The following LRIF1 variants were observed in gnomAD, a reference collection of about 807,000 sequenced individuals.
LRIF1 encodes ligand-dependent nuclear receptor-interacting factor 1.
A neutral mutation model predicts 52.7 loss-of-function variants in LRIF1; 32 were observed. That is an observed-to-expected ratio of 0.61 (90% CI 0.46 to 0.82). The LOEUF is 0.82. Among genes scored for constraint, LRIF1 ranks in the 40% least tolerant of loss-of-function variants. The probability of loss-of-function intolerance (pLI) is 0.00; values close to 1 mark genes in which losing one functional copy is unlikely to be tolerated. For synonymous variants in LRIF1, 323 were observed against 317.4 expected, an observed-to-expected ratio of 1.02 and a Z score of -0.19; for missense variants, 887 against 892.0, an observed-to-expected ratio of 0.99 and a Z score of 0.07.
chr1:110,890,851 C>G, the LRIF1 span, among the ~76,000 whole-genome samples: 3 of 152,210 alleles, frequency 2.0e-5, no homozygotes, highest in African/African-American at 7.2e-5. Context: ...ACATCTAGAA[C>G]AGAAAACATA....
chr1:110,908,212 A>G, the LRIF1 span, among the ~76,000 whole-genome samples: 55 of 152,322 alleles, frequency 3.6e-4, no homozygotes, highest in Non-Finnish European at 7.2e-4. Flanking sequence ...AGCTTTGGGG[A>G]GTCTGGGCAT....
At chr1:110,902,513 A>G in the LRIF1 span, among the ~76,000 whole-genome samples, 329 of 149,162 alleles carry the variant, frequency 2.2e-3, 1 homozygote, top group African/African-American at 7.7e-3. Flanking sequence ...AAAAAAAAAA[A>G]AAAAAAAGAA....
chr1:110,942,551 G>C (rs1658116871), downstream of LRIF1, among the ~76,000 whole-genome samples: 1 of 152,086 alleles, frequency 6.6e-6, no homozygotes, highest in South Asian at 2.1e-4. Flanking sequence ...CAATAATCTA[G>C]ATGAGAGATA....
the LRIF1 span, among the ~76,000 whole-genome samples, chr1:110,882,375 AT>A: frequency 6.6e-6 from 1 of 151,516 alleles, no homozygotes; most frequent in South Asian, 2.1e-4. Context: ...TTAATTTTGT[AT>A]TTTTTTTGAA....
At chr1:110,929,208 T>C in the LRIF1 span, among the ~76,000 whole-genome samples, 2 of 152,236 alleles carry the variant, frequency 1.3e-5, no homozygotes, top group Non-Finnish European at 2.9e-5. Context: ...CTATTGTGAA[T>C]AGTGCTACAA....
intron 2 of LRIF1, 127 bp downstream of exon 2, chr1:110,951,161 G>T: frequency 1.3e-6 from 1 of 745,752 alleles, no homozygotes; most frequent in Non-Finnish European, 2.2e-6. Context: ...ATACTCATAT[G>T]TGTATAGTCT....
chr1:110,878,413 A>T, the LRIF1 span, among the ~76,000 whole-genome samples: 2 of 152,214 alleles, frequency 1.3e-5, no homozygotes, highest in East Asian at 3.8e-4. Flanking sequence ...CTTGTATGTA[A>T]ATTGACAATC....
chr1:110,917,314 G>T, the LRIF1 span, among the ~76,000 whole-genome samples: 3 of 152,088 alleles, frequency 2.0e-5, no homozygotes, highest in Admixed American at 6.5e-5. Context: ...CTTCCCAATT[G>T]CTTACCCTGC....
chr1:110,909,193 C>T, the LRIF1 span, among the ~76,000 whole-genome samples: 5 of 152,162 alleles, frequency 3.3e-5, no homozygotes, highest in African/African-American at 4.8e-5. Flanking sequence ...TTTGTTACCA[C>T]CAGACCTGCC....
the LRIF1 span, among the ~76,000 whole-genome samples, chr1:110,900,862 T>C: frequency 1.3e-5 from 2 of 152,068 alleles, no homozygotes; most frequent in African/African-American, 4.8e-5. Flanking sequence ...CCATATTTGT[T>C]TGGTCAAAAA....
At chr1:110,929,333 T>A in the LRIF1 span, among the ~76,000 whole-genome samples, 2 of 152,224 alleles carry the variant, frequency 1.3e-5, no homozygotes, top group South Asian at 2.1e-4. Flanking sequence ...CTTTGAGGAA[T>A]CACCATACTG....
At chr1:110,935,080 C>T in the LRIF1 span, among the ~76,000 whole-genome samples, 4 of 152,150 alleles carry the variant, frequency 2.6e-5, no homozygotes, top group South Asian at 2.1e-4. Flanking sequence ...TGTCCAAGAC[C>T]GTCAAGGCAG....
chr1:110,905,201 T>C, the LRIF1 span, among the ~76,000 whole-genome samples: 4 of 151,966 alleles, frequency 2.6e-5, no homozygotes, highest in Admixed American at 2.6e-4. Context: ...GAGAAAGAGA[T>C]AGAAGTAGAA....
At chr1:110,892,473 G>T in the LRIF1 span, 3 of 1,614,160 alleles carry the variant, frequency 1.9e-6, no homozygotes, top group Non-Finnish European at 2.5e-6. Flanking sequence ...CTATTATCAT[G>T]GTAGTTGCCT....
At chr1:110,897,803 TTC>T in the LRIF1 span, 1 of 1,578,412 alleles carries the variant, frequency 6.3e-7, no homozygotes, top group Non-Finnish European at 8.7e-7. Flanking sequence ...CTGAAATGTC[TTC>T]TAGGGTTGCT....
rs34396800 is a variant in LRIF1, at chr1:110,957,470, CAAA to C, written c.69-4658_69-4656del. Among the ~76,000 whole-genome samples, 113 of 42,792 alleles carry C rather than the reference CAAA, an allele frequency of 2.6e-3. 2 individuals carry two copies. The highest frequency in any genetic ancestry group is 0.016 in the South Asian group (12 of 766). The allele number at this position is 42,792 out of a possible 152,430, so 28.1% of individuals were successfully genotyped here. On this transcript the variant is annotated intron_variant, in intron 1 of 3. Transcript: ENST00000369763. ...TGGGCGACAAAGCAAGACTCAGTCT[CAAA>C]AAAAAAAAAAAAAAAAAAAGACTGC...
Position 110,948,046 on chromosome 1 carries a change from T to A in LRIF1, c.2223A>T (p.Arg741=). ...VTPPELEETI[R]DEKIRRLKQV... The stretch of plus-strand genomic sequence containing the variant: ...GCTTAAGTCTTCTTATTTTTTCATC[T>A]CGAATGGTTTCTTCTAACTCCGGTG... Residue 741 remains arginine (R), a synonymous_variant, in exon 4 of 4, where the codon CGA becomes CGT. Coordinates refer to ENST00000369763, the MANE Select transcript of LRIF1 (RefSeq NM_018372.4). 1.2e-6 allele frequency: 2 copies of A among 1,613,772 alleles called. No individual in the cohort carries two copies. The highest frequency in any genetic ancestry group is 1.7e-6 in the Non-Finnish European group (2 of 1,179,946).
the LRIF1 span, among the ~76,000 whole-genome samples, chr1:110,929,373 T>A: frequency 1.5e-4 from 23 of 152,342 alleles, no homozygotes; most frequent in African/African-American, 5.3e-4. Flanking sequence ...TACTTTACAC[T>A]TTCACCAACA....
the LRIF1 span, among the ~76,000 whole-genome samples, chr1:110,931,911 A>G: frequency 2.0e-5 from 3 of 152,126 alleles, no homozygotes; most frequent in Non-Finnish European, 4.4e-5. Flanking sequence ...GTAGATTGCA[A>G]AGATTTTCTC....
Sources: gnomAD v4.1 joint callset for allele counts (sites outside exome capture counted in the v4.1 genomes callset) on GRCh38, gnomAD v4.1.1 for gene constraint, MANE v1.5 for transcripts, NCBI Gene and HGNC (gene_info 2026-07-23, HGNC 2026-07-21) for gene names.